Variants in KLF12 observed in about 807,000 individuals in gnomAD.
KLF12 encodes KLF transcription factor 12.
Under a neutral mutation model 37.8 loss-of-function variants are expected in KLF12, and 9 were observed. The observed-to-expected ratio is 0.24, with a 90% CI of 0.14 to 0.42. The LOEUF is 0.42. KLF12 is among the 10% of genes least tolerant of loss of function. KLF12 has a pLI of 1.00. For synonymous variants in KLF12, 208 were observed against 202.1 expected (o/e 1.03, Z -0.25); for missense variants, 411 against 516.0 (o/e 0.80, Z 1.97).
the KLF12 span, among the ~76,000 whole-genome samples, chr13:74,181,505 C>A: frequency 6.7e-6 from 1 of 150,370 alleles, no homozygotes; most frequent in Non-Finnish European, 1.5e-5. Flanking sequence ...TAGGGTGAAA[C>A]CCTGTCTCTA....
chr13:73,910,152 GAGC>G (rs1888500710), intron 3 of KLF12, among the ~76,000 whole-genome samples: 1 of 152,074 alleles, frequency 6.6e-6, no homozygotes, highest in Non-Finnish European at 1.5e-5. Flanking sequence ...CCCACCTTCT[GAGC>G]AGGCTTTATT....
the KLF12 span, among the ~76,000 whole-genome samples, chr13:74,302,317 T>C: frequency 6.6e-6 from 1 of 152,178 alleles, no homozygotes; most frequent in Non-Finnish European, 1.5e-5. Flanking sequence ...GAGATGATGG[T>C]GTGAACTTCA....
the KLF12 span, among the ~76,000 whole-genome samples, chr13:74,299,990 C>T: frequency 2.6e-5 from 4 of 151,916 alleles, no homozygotes; most frequent in South Asian, 8.3e-4. Context: ...TTTTTCCCAG[C>T]CTGGGACGTA....
At chr13:73,913,607 G>A (rs1241187771) in intron 3 of KLF12, among the ~76,000 whole-genome samples, 3 of 152,200 alleles carry the variant, frequency 2.0e-5, no homozygotes, top group Non-Finnish European at 4.4e-5. Flanking sequence ...TAGTGAGAAA[G>A]GGAGAACTGG....
intron 3 of KLF12, among the ~76,000 whole-genome samples, chr13:73,937,212 A>G (rs1000213488): frequency 6.6e-6 from 1 of 152,148 alleles, no homozygotes; most frequent in African/African-American, 2.4e-5. Context: ...TAAATAAAAA[A>G]GGATATTTTT....
rs181105461 is a variant in KLF12, at chr13:73,773,207, T to A, written c.807-8207A>T. The stretch of plus-strand genomic sequence containing the variant: ...AGCCCTGAGCTTCATGGAGGCAGAA[T>A]TTAAGTGAGAAGACCACCAGACCAG... On this transcript the variant is annotated intron_variant, in intron 5 of 7. Coordinates refer to ENST00000377669, the MANE Select transcript of KLF12 (RefSeq NM_007249.5). Among the ~76,000 whole-genome samples, 59 of 152,292 alleles carry A rather than the reference T, an allele frequency of 3.9e-4. 1 individual carries two copies. The highest frequency in any genetic ancestry group is 2.5e-3 in the South Asian group (12 of 4,820).
At chr13:74,054,890 GACTT>G (rs370486542) in intron 1 of KLF12, among the ~76,000 whole-genome samples, 20 of 152,242 alleles carry the variant, frequency 1.3e-4, no homozygotes, top group African/African-American at 4.8e-4. Context: ...AATTAGCAAA[GACTT>G]AATACTAAAG....
the KLF12 span, among the ~76,000 whole-genome samples, chr13:74,250,618 G>A: frequency 6.6e-6 from 1 of 152,132 alleles, no homozygotes; most frequent in Non-Finnish European, 1.5e-5. Context: ...TGGTAAGAGA[G>A]TCCAGCAATT....
intron 6 of KLF12, among the ~76,000 whole-genome samples, chr13:73,732,125 C>T (rs1877107322): frequency 6.7e-6 from 1 of 150,224 alleles, no homozygotes; most frequent in African/African-American, 2.5e-5. Context: ...CTCTTGTTGC[C>T]CAGGTTGGAG....
rs542903711 is a variant in KLF12 at position 73,873,024 on chromosome 13, T to C, written c.124-26651A>G. 3.3e-5 allele frequency among the ~76,000 whole-genome samples: 5 copies of C among 152,308 alleles called. No homozygotes were observed. The East Asian group carries it at 9.6e-4, about 29-fold the overall frequency. ...TGAGGCTGGTGCTGTTAGGTGCCTC[T>C]CTTTCTCCTATTTGCTCATCTTTCT... On this transcript the variant is annotated intron_variant, in intron 3 of 7. Coordinates refer to ENST00000377669, the MANE Select transcript of KLF12 (RefSeq NM_007249.5).
intron 3 of KLF12, among the ~76,000 whole-genome samples, chr13:73,847,065 C>A (rs895442654): frequency 6.6e-6 from 1 of 151,990 alleles, no homozygotes; most frequent in Non-Finnish European, 1.5e-5. Context: ...TTTTAATGAG[C>A]AAAATTTGAT....
intron 6 of KLF12, among the ~76,000 whole-genome samples, chr13:73,754,717 T>C (rs989170032): frequency 6.6e-6 from 1 of 152,062 alleles, no homozygotes; most frequent in East Asian, 1.9e-4. Context: ...CAAAATCTCA[T>C]GAGGAATATG....
At chr13:73,937,173 A>C (rs1027379823) in intron 3 of KLF12, among the ~76,000 whole-genome samples, 1 of 149,912 alleles carries the variant, frequency 6.7e-6, no homozygotes, top group African/African-American at 2.5e-5. Context: ...CTGGCGACAG[A>C]GCGAGACTCC....
chr13:74,081,378 T>C (rs1246984131), intron 1 of KLF12, among the ~76,000 whole-genome samples: 2 of 152,226 alleles, frequency 1.3e-5, no homozygotes, highest in African/African-American at 4.8e-5. Context: ...ATCTCGTCTT[T>C]TATAAAAATT....
chr13:74,180,519 T>C, the KLF12 span, among the ~76,000 whole-genome samples: 199 of 152,314 alleles, frequency 1.3e-3, 1 homozygote, highest in African/African-American at 4.6e-3. Context: ...CAGATTATGT[T>C]TTATAAGGTT....
chr13:73,770,552 T>C (rs1880200672), intron 5 of KLF12, among the ~76,000 whole-genome samples: 1 of 151,906 alleles, frequency 6.6e-6, no homozygotes, highest in South Asian at 2.1e-4. Context: ...AGATGGAGTC[T>C]TCCTCTGTCA....
Position 73,905,317 on chromosome 13 carries a change from T to C in KLF12, c.123+38664A>G, listed in dbSNP as rs150748126. Among the ~76,000 whole-genome samples, 655 of 152,194 alleles carry C rather than the reference T, an allele frequency of 4.3e-3. 26 individuals are homozygous for C. Among genetic ancestry groups the C allele is most frequent in the African/African-American group, 0.015 (621 of 41,458 alleles). ...AGGCTTTTAATCTTTCCTGCCAAGC[T>C]AAAATCTGAGACAGCGCTAACCTTT... On this transcript the variant is annotated intron_variant, in intron 3 of 7. Coordinates refer to ENST00000377669, the MANE Select transcript of KLF12 (RefSeq NM_007249.5).
At chr13:74,110,873 G>C (rs139874796) in intron 1 of KLF12, among the ~76,000 whole-genome samples, 40 of 152,276 alleles carry the variant, frequency 2.6e-4, no homozygotes, top group African/African-American at 9.1e-4. Flanking sequence ...TATTCTAGTT[G>C]TGTATTTGAA....
chr13:74,108,898 T>C (rs1168697937), intron 1 of KLF12, among the ~76,000 whole-genome samples: 2 of 152,172 alleles, frequency 1.3e-5, no homozygotes, highest in East Asian at 3.8e-4. Flanking sequence ...AATCCATGTA[T>C]AAGTAGACCT....
Sources: allele counts gnomAD v4.1 joint callset (sites outside exome capture counted in the v4.1 genomes callset), GRCh38; gene constraint gnomAD v4.1.1; transcripts MANE v1.5; gene names NCBI Gene and HGNC (gene_info 2026-07-23, HGNC 2026-07-21).